The following COG3 variants were observed in gnomAD, a reference collection of about 807,000 sequenced individuals.
COG3 encodes conserved oligomeric Golgi complex subunit 3.
Under a neutral mutation model 114.1 loss-of-function variants are expected in COG3, and 32 were observed. That is an observed-to-expected ratio of 0.28 (90% confidence interval 0.21 to 0.38). The LOEUF (loss-of-function observed/expected upper bound fraction) is 0.38, where lower values mean the gene tolerates loss of function less well. Among genes scored for constraint, COG3 ranks in the 10% least tolerant of loss-of-function variants. The probability of loss-of-function intolerance (pLI) is 1.00; values close to 1 mark genes in which losing one functional copy is unlikely to be tolerated. For synonymous variants in COG3, 352 were observed against 365.7 expected (o/e 0.96, Z 0.43); for missense variants, 813 against 973.2 (o/e 0.84, Z 2.19).
At chr13:45,477,008 C>T (rs1371639510) in intron 2 of COG3, among the ~76,000 whole-genome samples, 2 of 152,168 alleles carry the variant, frequency 1.3e-5, no homozygotes, top group African/African-American at 4.8e-5. Context: ...CTGACCTGCA[C>T]CTGAAAGTCA....
intron 1 of COG3, among the ~76,000 whole-genome samples, chr13:45,469,672 G>T (rs920933860): frequency 6.6e-6 from 1 of 152,078 alleles, no homozygotes; most frequent in African/African-American, 2.4e-5. Flanking sequence ...TAAAATTGAT[G>T]AATTCAAACA....
At chr13:45,490,294 G>A (rs1443625987) in intron 8 of COG3, among the ~76,000 whole-genome samples, 1 of 152,110 alleles carries the variant, frequency 6.6e-6, no homozygotes, top group East Asian at 1.9e-4. Context: ...CTGGTGTTTT[G>A]GGGTCCCCAC....
At chr13:45,470,179 A>G (rs976951670) in intron 1 of COG3, among the ~76,000 whole-genome samples, 5 of 152,204 alleles carry the variant, frequency 3.3e-5, no homozygotes, top group Non-Finnish European at 5.9e-5. Context: ...GGAGGTGTGT[A>G]TACTGTTATT....
intron 13 of COG3, among the ~76,000 whole-genome samples, chr13:45,497,977 GA>G (rs1367299279): frequency 1.3e-5 from 2 of 152,092 alleles, no homozygotes; most frequent in Non-Finnish European, 2.9e-5. Context: ...GAATTAAAAA[GA>G]AACTTTCAGT....
intron 17 of COG3, 36 bp from the exon 18 acceptor site, chr13:45,518,724 CTT>C (rs772311877): frequency 6.6e-7 from 1 of 1,516,050 alleles, no homozygotes; most frequent in South Asian, 1.2e-5. Flanking sequence ...GCTGTTGAAA[CTT>C]TACATGTTCA....
At chr13:45,493,211 A>G (rs777970037) in intron 11 of COG3, 136 bp from the exon 12 acceptor site, 5 of 662,048 alleles carry the variant, frequency 7.6e-6, no homozygotes, top group Non-Finnish European at 1.0e-5. Context: ...TTATCATTCT[A>G]TAATGTCCTC....
In COG3 at chr13:45,513,218, T is replaced by TAC. The variant is rs1359306020; in HGVS notation, c.1809+1365_1809+1366insCA. On this transcript the variant is annotated intron_variant, in intron 16 of 22. Coordinates refer to ENST00000349995, the MANE Select transcript of COG3 (RefSeq NM_031431.4). Reference sequence around the variant, plus strand: ...ATATATAATATATACATATAAATTATATATATATAATATATACATATAAAT... The same window carrying TAC: ...ATATATAATATATACATATAAATTATACATATATATAATATATACATATAAAT... Among the ~76,000 whole-genome samples, 80 of 12,502 alleles carry TAC rather than the reference T, an allele frequency of 6.4e-3. 11 individuals carry two copies. The East Asian group carries it at 0.081, about 13-fold the overall frequency. 8.2% of individuals were successfully genotyped at this position (12,502 alleles called of 152,430 possible).
intron 10 of COG3, among the ~76,000 whole-genome samples, 161 bp downstream of exon 10, chr13:45,491,699 C>A: frequency 6.6e-6 from 1 of 152,160 alleles, no homozygotes; most frequent in Non-Finnish European, 1.5e-5. Flanking sequence ...GCCTTATTCA[C>A]CTTTGCAAAA....
At chr13:45,483,922 A>C (rs1674734976) in intron 7 of COG3, among the ~76,000 whole-genome samples, 1 of 152,188 alleles carries the variant, frequency 6.6e-6, no homozygotes, top group African/African-American at 2.4e-5. Context: ...GCCCTCATGG[A>C]GCTTATATTC....
intron 14 of COG3, among the ~76,000 whole-genome samples, chr13:45,505,124 T>C (rs1869981967): frequency 6.7e-6 from 1 of 150,056 alleles, no homozygotes; most frequent in East Asian, 2.0e-4. Context: ...GAGGTGGAGG[T>C]TGCCATGAGC....
In COG3 at chr13:45,496,168, A is replaced by G. The variant is rs567279346; in HGVS notation, c.1344A>G (p.Ala448=). 1 of 1,608,086 alleles carries G rather than the reference A, an allele frequency of 6.2e-7. No individual in the cohort carries two copies. Among genetic ancestry groups the G allele is most frequent in the East Asian group, 2.2e-5 (1 of 44,504 alleles). Residue 448 remains alanine (A), a synonymous_variant, in exon 13 of 23, where the codon GCA becomes GCG. Transcript: ENST00000349995. ...TTTTATCAGCTGAGCAACTGGGGGC[A>G]TTTGCAGCTGGAGTCAAGCAGATGT... ...HVQNNAEQLG[A]FAAGVKQMLE... is the part of the protein sequence containing the mutation.
intron 6 of COG3, 136 bp downstream of exon 6, chr13:45,482,609 AT>A (rs1432299236): frequency 4.8e-5 from 23 of 484,170 alleles, no homozygotes; most frequent in African/African-American, 1.4e-4. Context: ...TAAAGTGATT[AT>A]TTCTGTCCAA....
chr13:45,484,320 C>T (rs1160775980), intron 7 of COG3, among the ~76,000 whole-genome samples: 1 of 152,074 alleles, frequency 6.6e-6, no homozygotes, highest in African/African-American at 2.4e-5. Flanking sequence ...TAGTGCTTTG[C>T]TATTGAGCTG....
chr13:45,524,937 A>G, intron 19 of COG3, 39 bp from the exon 20 acceptor site: 1 of 1,528,288 alleles, frequency 6.5e-7, no homozygotes, highest in Non-Finnish European at 9.0e-7. Flanking sequence ...TTTGTCATTG[A>G]TGAAATGAAA....
At chr13:45,481,328 A>G (rs988326285) in intron 5 of COG3, 24 bp downstream of exon 5, 3 of 1,263,064 alleles carry the variant, frequency 2.4e-6, no homozygotes, top group East Asian at 4.7e-5. Flanking sequence ...TTTACTTCTT[A>G]TAAAGTTAGT....
intron 12 of COG3, 47 bp downstream of exon 12, chr13:45,493,533 GA>G: frequency 6.6e-7 from 1 of 1,520,528 alleles, no homozygotes; most frequent in Non-Finnish European, 8.9e-7. Flanking sequence ...CTGGCTCAAT[GA>G]ATTTGAAAAA....
intron 12 of COG3, among the ~76,000 whole-genome samples, chr13:45,494,128 C>T (rs1229649287): frequency 1.3e-5 from 2 of 152,068 alleles, no homozygotes; most frequent in Non-Finnish European, 2.9e-5. Flanking sequence ...AGTTCAAGAA[C>T]AGCCTGGCCA....
chr13:45,508,423 C>CATATATAT (rs1566262637), intron 14 of COG3, among the ~76,000 whole-genome samples: 27 of 109,912 alleles, frequency 2.5e-4, no homozygotes, highest in African/African-American at 1.2e-3. Flanking sequence ...CACACACACA[C>CATATATAT]ACATACACAT....
chr13:45,496,805 C>CTG (rs1868845147), intron 13 of COG3, among the ~76,000 whole-genome samples: 1 of 151,996 alleles, frequency 6.6e-6, no homozygotes, highest in Admixed American at 6.5e-5. Flanking sequence ...TCCCGAGAAG[C>CTG]TGGGACTACA....
Sources: allele counts gnomAD v4.1 joint callset (sites outside exome capture counted in the v4.1 genomes callset), GRCh38; gene constraint gnomAD v4.1.1; transcripts MANE v1.5; gene names NCBI Gene and HGNC (gene_info 2026-07-23, HGNC 2026-07-21).